Variants in IQCH observed in about 807,000 individuals in gnomAD.
IQCH encodes the protein IQ domain-containing protein H.
In IQCH, 98 loss-of-function variants were observed where a neutral mutation model predicts 117.0. The ratio of observed to expected loss-of-function variants is 0.84; its 90% CI spans 0.71 to 0.99. The LOEUF is 0.99. IQCH is among the 50% of genes least tolerant of loss of function. The pLI, the probability that IQCH is intolerant of heterozygous loss-of-function variation, is 0.00. For missense variants in IQCH, 1,102 were observed against 1,243.8 expected (o/e 0.89, Z 1.72); for synonymous variants, 412 against 448.2 (o/e 0.92, Z 1.02).
At chr15:67,402,798 T>TA (rs1971717895) in intron 14 of IQCH, among the ~76,000 whole-genome samples, 3 of 152,238 alleles carry the variant, frequency 2.0e-5, no homozygotes, top group Admixed American at 6.5e-5. Flanking sequence ...CAGTTTATGA[T>TA]ACGATACCGT....
In IQCH at chr15:67,368,785, C is replaced by T. The variant is rs138711462; in HGVS notation, c.754-3326C>T. Among the ~76,000 whole-genome samples the T allele has an allele frequency of 6.8e-4, 103 of 152,318 alleles. 3 individuals carry two copies. The East Asian group carries it at 0.012, about 17-fold the overall frequency. On this transcript the variant is annotated intron_variant, in intron 8 of 20. Coordinates refer to ENST00000335894, the MANE Select transcript of IQCH (RefSeq NM_001031715.3). ...TGATTATGGATCCAGTTTAATGCCACACCCACATACTGTCCACATACATGA... is the reference window on the plus strand; with the variant it reads ...TGATTATGGATCCAGTTTAATGCCATACCCACATACTGTCCACATACATGA...
chr15:67,401,469 A>G lies in IQCH; in HGVS notation c.2097+1164A>G, dbSNP rs574127457. On this transcript the variant is annotated intron_variant, in intron 14 of 20. Transcript: ENST00000335894. This position sits in a 1 kb window ranked among gnomAD's most constrained non-coding sequence, Gnocchi z 4.7. ...ACTGGTTCCTTCCCTACCAGCATAC[A>G]TAGCAGTGGGCTATGCAAAGTGATT... Among the ~76,000 whole-genome samples, 3 of 152,334 alleles carry G rather than the reference A, an allele frequency of 2.0e-5. No individual in the cohort carries two copies. The South Asian group carries it at 6.2e-4, about 32-fold the overall frequency.
chr15:67,417,640 T>A lies in IQCH; in HGVS notation c.2218+589T>A, dbSNP rs2081610224. 6.6e-6 allele frequency among the ~76,000 whole-genome samples: 1 copy of A among 152,146 alleles called. No individual in the cohort carries two copies. The highest frequency in any genetic ancestry group is 2.4e-5 in the African/African-American group (1 of 41,416). On this transcript the variant is annotated intron_variant, in intron 15 of 20. Coordinates refer to ENST00000335894, the MANE Select transcript of IQCH (RefSeq NM_001031715.3). This position sits in a 1 kb window ranked among gnomAD's most constrained non-coding sequence, Gnocchi z 4.3. Reference sequence around the variant, plus strand: ...TCATCCTCCTCCTCCTACTTCATCCTCATTTCCTAACAACATTGGGTGGTC... The same window carrying A: ...TCATCCTCCTCCTCCTACTTCATCCACATTTCCTAACAACATTGGGTGGTC...
At chr15:67,371,657 G>A (rs796467035) in intron 8 of IQCH, 16 of 601,242 alleles carry the variant, frequency 2.7e-5, no homozygotes, top group South Asian at 1.5e-4. Context: ...AATTTTTAAC[G>A]GGCACATTTG....
intron 4 of IQCH, among the ~76,000 whole-genome samples, chr15:67,293,887 G>A (rs566909442): frequency 1.9e-4 from 29 of 152,308 alleles, no homozygotes; most frequent in African/African-American, 6.5e-4. Flanking sequence ...AGTGGGAAAA[G>A]TAGGAGGGGC....
chr15:67,332,516 T>G (rs1048392680), intron 4 of IQCH, among the ~76,000 whole-genome samples: 9 of 152,024 alleles, frequency 5.9e-5, no homozygotes, highest in Admixed American at 5.9e-4. Flanking sequence ...GCTAGCCAAT[T>G]AAGAGATCAA....
Position 67,463,552 on chromosome 15 carries a change from A to G in IQCH, c.2506-1575A>G, listed in dbSNP as rs1438664231. ...TACCTCCCTGAACCTCAGTTTCTTC[A>G]TCTGTGACATGGGGTTGTTATTTTT... On this transcript the variant is annotated intron_variant, in intron 16 of 20. Coordinates refer to ENST00000335894, the MANE Select transcript of IQCH (RefSeq NM_001031715.3). This position sits in a 1 kb window ranked among gnomAD's most constrained non-coding sequence, Gnocchi z 4.0. Among the ~76,000 whole-genome samples the G allele has an allele frequency of 6.6e-6, 1 of 152,186 alleles. No individual in the cohort carries two copies. The highest frequency in any genetic ancestry group is 1.5e-5 in the Non-Finnish European group (1 of 68,042).
chr15:67,484,417 A>AT (rs1347969296), intron 18 of IQCH, among the ~76,000 whole-genome samples: 13 of 151,022 alleles, frequency 8.6e-5, no homozygotes. Flanking sequence ...AAAAAAAAAA[A>AT]CTTTTAAATA....
rs185525989 is a variant in IQCH at position 67,447,921 on chromosome 15, G to A, written c.2506-17206G>A. ...TTTCTTCCAGATCATGACTGCTTATGGTGGCCCATATATTAACCCTCACTG... is the reference window on the plus strand; with the variant it reads ...TTTCTTCCAGATCATGACTGCTTATAGTGGCCCATATATTAACCCTCACTG... On this transcript the variant is annotated intron_variant, in intron 16 of 20. Transcript: ENST00000335894. The surrounding 1 kb of genome is among the most constrained non-coding windows in gnomAD (Gnocchi z 5.3). Among the ~76,000 whole-genome samples, 12 of 152,172 alleles carry A rather than the reference G, an allele frequency of 7.9e-5. No homozygotes were observed. The highest frequency in any genetic ancestry group is 1.8e-4 in the Non-Finnish European group (12 of 68,038).
chr15:67,497,329 AAAAG>A (rs551619655), intron 20 of IQCH, among the ~76,000 whole-genome samples: 12 of 152,156 alleles, frequency 7.9e-5, no homozygotes, highest in South Asian at 2.1e-4. Flanking sequence ...GTCTCAAAAA[AAAAG>A]AAAGAAAGAA....
chr15:67,270,733 T>C (rs1965863017), intron 3 of IQCH, among the ~76,000 whole-genome samples: 1 of 152,212 alleles, frequency 6.6e-6, no homozygotes, highest in African/African-American at 2.4e-5. Context: ...AAGCAGATGC[T>C]AGCACTATGT....
chr15:67,462,962 T>A (rs555019123), intron 16 of IQCH, among the ~76,000 whole-genome samples: 2 of 152,342 alleles, frequency 1.3e-5, no homozygotes, highest in Admixed American at 1.3e-4. Flanking sequence ...ATTGTTGCAA[T>A]GTGATTTATT....
rs1273305592 is a variant in IQCH, at chr15:67,400,335, AG to A, written c.2097+33del. 2.6e-6 allele frequency: 4 copies of A among 1,555,376 alleles called. No individual in the cohort carries two copies. In the African/African-American group the frequency reaches 5.4e-5, roughly 21 times the overall value. ...GTATTCAATGGTGACTTAAACCCGC[AG>A]GGTCTGTGAACAGTTAGGGGACGAA... On this transcript the variant is annotated intron_variant, in intron 14 of 20. Coordinates refer to ENST00000335894, the MANE Select transcript of IQCH (RefSeq NM_001031715.3).
chr15:67,481,944 T>C lies in IQCH; in HGVS notation c.2799+6126T>C, dbSNP rs1338713678. Among the ~76,000 whole-genome samples, 1 of 152,184 alleles carries C rather than the reference T, an allele frequency of 6.6e-6. No individual in the cohort carries two copies. Among genetic ancestry groups the C allele is most frequent in the Non-Finnish European group, 1.5e-5 (1 of 68,030 alleles). On this transcript the variant is annotated intron_variant, in intron 18 of 20. Coordinates refer to ENST00000335894, the MANE Select transcript of IQCH (RefSeq NM_001031715.3). The surrounding 1 kb of genome is among the most constrained non-coding windows in gnomAD (Gnocchi z 4.1). ...GTGGGTGAGAAAGTTTTAAAATTGC[T>C]AAGGATGGCTTGTGCCTGTAATCCT...
chr15:67,325,699 A>G (rs1968375698), intron 4 of IQCH, among the ~76,000 whole-genome samples: 1 of 152,134 alleles, frequency 6.6e-6, no homozygotes, highest in Non-Finnish European at 1.5e-5. Context: ...ATAACACCTA[A>G]GAAAATAAAC....
intron 16 of IQCH, among the ~76,000 whole-genome samples, chr15:67,434,809 A>T (rs1596368587): frequency 7.7e-6 from 1 of 129,856 alleles, no homozygotes; most frequent in Non-Finnish European, 1.6e-5. Context: ...TTTGAGACGG[A>T]GTCTGACTCT....
chr15:67,290,883 G>C (rs1966727049), intron 4 of IQCH, among the ~76,000 whole-genome samples: 1 of 152,148 alleles, frequency 6.6e-6, no homozygotes, highest in East Asian at 1.9e-4. Flanking sequence ...TTCCTTGGGA[G>C]CCTTGGGGAA....
rs2082418757 is a variant in IQCH, at chr15:67,447,595, C to T, written c.2506-17532C>T. 6.6e-6 allele frequency among the ~76,000 whole-genome samples: 1 copy of T among 152,166 alleles called. No individual in the cohort carries two copies. Among genetic ancestry groups the T allele is most frequent in the Non-Finnish European group, 1.5e-5 (1 of 68,032 alleles). On this transcript the variant is annotated intron_variant, in intron 16 of 20. Coordinates refer to ENST00000335894, the MANE Select transcript of IQCH (RefSeq NM_001031715.3). This position sits in a 1 kb window ranked among gnomAD's most constrained non-coding sequence, Gnocchi z 5.3. ...GTCCCCGTGGAGGGCATAGAGCTTG[C>T]AGGGAGCCCCACACCACAGAAGGAG...
rs1178430486 is a variant in IQCH at position 67,366,364 on chromosome 15, T to C, written c.754-5747T>C. On this transcript the variant is annotated intron_variant, in intron 8 of 20. Coordinates refer to ENST00000335894, the MANE Select transcript of IQCH (RefSeq NM_001031715.3). This position sits in a 1 kb window ranked among gnomAD's most constrained non-coding sequence, Gnocchi z 4.4. ...GTGTCTCTAGAAGGAAATTTCACAT[T>C]TGACTGAAAATAGACCATCTATTTA... Among the ~76,000 whole-genome samples, 1 of 152,204 alleles carries C rather than the reference T, an allele frequency of 6.6e-6. No individual in the cohort carries two copies. The highest frequency in any genetic ancestry group is 1.5e-5 in the Non-Finnish European group (1 of 68,040).
Sources: gnomAD v4.1 joint callset for allele counts (sites outside exome capture counted in the v4.1 genomes callset) on GRCh38, gnomAD v4.1.1 for gene constraint, Gnocchi (gnomAD v3.1) non-coding constraint, MANE v1.5 for transcripts, NCBI Gene and HGNC (gene_info 2026-07-23, HGNC 2026-07-21) for gene names.